CFAP184: variants seen among roughly 807,000 people sequenced by gnomAD.
The protein encoded by CFAP184 is cilia- and flagella-associated protein 184.
chr4:7,041,411 C>A, the CFAP184 span: 2 of 1,614,230 alleles, frequency 1.2e-6, 1 homozygote, highest in Admixed American at 3.3e-5. Flanking sequence ...TCTTCCAAGT[C>A]CCGAAGAAGT....
At chr4:7,042,082 C>A in the CFAP184 span, 1 of 1,610,142 alleles carries the variant, frequency 6.2e-7, no homozygotes, top group Non-Finnish European at 8.5e-7. Flanking sequence ...GCCCAGATGG[C>A]GCAGGTACGC....
At chr4:7,042,606 C>T in the CFAP184 span, 10 of 1,518,562 alleles carry the variant, frequency 6.6e-6, no homozygotes, top group African/African-American at 1.1e-4. Flanking sequence ...CTCCGGGCTC[C>T]GGCTGGGCGG....
the CFAP184 span, chr4:7,041,831 TCTC>T: frequency 1.2e-4 from 198 of 1,609,906 alleles, 1 homozygote; most frequent in South Asian, 2.0e-3. Flanking sequence ...CTCATCTCCT[TCTC>T]CTTTTTATCC....
the CFAP184 span, chr4:7,042,538 T>A: frequency 6.3e-7 from 1 of 1,592,322 alleles, no homozygotes; most frequent in South Asian, 1.1e-5. Context: ...TTCCTTCCCC[T>A]CTGCCGCCTG....
the CFAP184 span, chr4:7,042,755 C>A: frequency 6.5e-7 from 1 of 1,529,558 alleles, no homozygotes; most frequent in Non-Finnish European, 8.8e-7. Context: ...TCGTCCGCGG[C>A]GGTGCCTCCC....
At chr4:7,042,612 G>A in the CFAP184 span, 1 of 1,514,534 alleles carries the variant, frequency 6.6e-7, no homozygotes, top group African/African-American at 1.4e-5. Flanking sequence ...GCTCCGGCTG[G>A]GCGGGCTCCT....
At chr4:7,042,874 G>A in the CFAP184 span, 1 of 1,565,772 alleles carries the variant, frequency 6.4e-7, no homozygotes, top group East Asian at 2.4e-5. Flanking sequence ...CGGCCGCGCG[G>A]CCAGGCTTTC....
the CFAP184 span, chr4:7,042,171 C>T: frequency 1.3e-6 from 2 of 1,598,158 alleles, no homozygotes; most frequent in Non-Finnish European, 1.7e-6. Context: ...TTCTGCGCAG[C>T]GCCTCGAAGA....
the CFAP184 span, chr4:7,042,371 G>GT: frequency 6.2e-7 from 1 of 1,610,914 alleles, no homozygotes; most frequent in East Asian, 2.2e-5. Context: ...TTGGCCGGGC[G>GT]TCCTTCCCCA....
the CFAP184 span, chr4:7,042,587 C>A: frequency 4.5e-6 from 7 of 1,543,568 alleles, no homozygotes; most frequent in Non-Finnish European, 6.1e-6. Context: ...TCTAGTTCCT[C>A]GGGCCCGGCT....
chr4:7,041,351 G>A, the CFAP184 span: 1 of 1,614,204 alleles, frequency 6.2e-7, no homozygotes, highest in Non-Finnish European at 8.5e-7. Context: ...GCGTGGTGGC[G>A]CTTCAGGGAT....
chr4:7,042,281 G>A, the CFAP184 span: 1 of 1,591,250 alleles, frequency 6.3e-7, no homozygotes, highest in Admixed American at 1.7e-5. Context: ...TGCTGCTCCT[G>A]CAGCTTCTGG....
At chr4:7,041,884 T>C in the CFAP184 span, 2 of 1,611,016 alleles carry the variant, frequency 1.2e-6, no homozygotes, top group Non-Finnish European at 1.7e-6. Context: ...CAGAGCAGCC[T>C]GGCGCCCGCC....
the CFAP184 span, chr4:7,041,311 C>T: frequency 6.2e-7 from 1 of 1,611,256 alleles, no homozygotes; most frequent in South Asian, 1.1e-5. Context: ...GATCTTCTGC[C>T]TCACGCCTCT....
At chr4:7,042,183 CT>C in the CFAP184 span, 1 of 1,600,510 alleles carries the variant, frequency 6.2e-7, no homozygotes. Context: ...CCTCGAAGAT[CT>C]TGTGCTGCAG....
the CFAP184 span, chr4:7,041,576 T>G: frequency 2.5e-6 from 4 of 1,614,252 alleles, no homozygotes; most frequent in Non-Finnish European, 3.4e-6. Context: ...GCGTTCTCCA[T>G]GTCCATGAAG....
At chr4:7,041,545 G>C in the CFAP184 span, 10 of 1,614,114 alleles carry the variant, frequency 6.2e-6, no homozygotes, top group African/African-American at 1.3e-5. Flanking sequence ...CTCGATTTCT[G>C]CCAGCTGTGT....
chr4:7,042,711 G>T, the CFAP184 span: 1 of 1,513,616 alleles, frequency 6.6e-7, no homozygotes. Context: ...CCGCAGCCTC[G>T]GCTGCCGTTA....
At chr4:7,041,829 C>G in the CFAP184 span, 1 of 1,610,130 alleles carries the variant, frequency 6.2e-7, no homozygotes, top group South Asian at 1.1e-5. Context: ...CGCTCATCTC[C>G]TTCTCCTTTT....
Sources: gnomAD v4.1 joint callset for allele counts on GRCh38, gnomAD v4.1.1 for gene constraint, MANE v1.5 for transcripts, NCBI Gene and HGNC (gene_info 2026-07-23, HGNC 2026-07-21) for gene names.